The following UBE2J1 variants were observed in gnomAD, a reference collection of about 807,000 sequenced individuals.
UBE2J1 encodes ubiquitin conjugating enzyme E2 J1, also known as ubiquitin-conjugating enzyme E2 J1.
UBE2J1 carries 17 observed loss-of-function variants against 42.1 expected under a neutral mutation model. The ratio of observed to expected loss-of-function variants is 0.40; its 90% CI spans 0.28 to 0.61. The LOEUF (loss-of-function observed/expected upper bound fraction) is 0.61, where lower values mean the gene tolerates loss of function less well. Ranked by LOEUF, UBE2J1 falls within the 20% of genes least tolerant of loss-of-function variation. The pLI is 0.38. For synonymous variants in UBE2J1, 127 were observed against 137.2 expected (o/e 0.93, Z 0.52); for missense variants, 291 against 389.4 (o/e 0.75, Z 2.13).
In UBE2J1 at chr6:89,340,400, C is replaced by T. The variant is rs914411815; in HGVS notation, c.238-1857G>A. ...CCCCATGCACCAGCCCCTCCCTCCC[C>T]GAAGACCACTTAGCTCTCCCCATGA... On this transcript the variant is annotated intron_variant, in intron 3 of 7. Coordinates refer to ENST00000435041, the MANE Select transcript of UBE2J1 (RefSeq NM_016021.3). 9.8e-5 allele frequency among the ~76,000 whole-genome samples: 15 copies of T among 152,286 alleles called. 1 individual carries two copies. The highest frequency in any genetic ancestry group is 3.4e-4 in the African/African-American group (14 of 41,546).
intron 5 of UBE2J1, among the ~76,000 whole-genome samples, chr6:89,337,114 T>G (rs1453571434): frequency 3.3e-5 from 5 of 152,130 alleles, no homozygotes; most frequent in Non-Finnish European, 5.9e-5. Flanking sequence ...GAGCTGGGAT[T>G]ACAAGTGTGA....
intron 5 of UBE2J1, among the ~76,000 whole-genome samples, chr6:89,336,286 G>A (rs1768105067): frequency 6.6e-6 from 1 of 151,406 alleles, no homozygotes; most frequent in South Asian, 2.1e-4. Flanking sequence ...TAGTTTTTCT[G>A]TTTGTTTGTT....
rs768098329 is a variant in UBE2J1, at chr6:89,338,491, T to A, written c.290A>T (p.His97Leu). 3 of 1,604,956 alleles carry A rather than the reference T, an allele frequency of 1.9e-6. No individual in the cohort carries two copies. In the South Asian group the frequency reaches 3.4e-5, roughly 18 times the overall value. The change falls in exon 4 of 8, where the codon CAT becomes CTT. Residue 97 changes from histidine (H) to leucine (L), a missense_variant. His to Leu is a moderately conservative substitution (Grantham distance 99). Transcript: ENST00000435041. ...CGAAGGCTGCCAAGTTTCAGGATGA[T>A]GGCCTGAGATGCTCAAACAGATTTT... ...GKKICLSISG[H>L]HPETWQPSWS...
intron 1 of UBE2J1, among the ~76,000 whole-genome samples, chr6:89,346,034 G>T (rs1379888488): frequency 6.6e-6 from 1 of 152,012 alleles, no homozygotes; most frequent in East Asian, 1.9e-4. Flanking sequence ...GAGACCACAG[G>T]CATGCACCAC....
intron 4 of UBE2J1, 25 bp from the exon 5 acceptor site, chr6:89,338,335 T>A (rs778925016): frequency 6.2e-7 from 1 of 1,601,870 alleles, no homozygotes; most frequent in Non-Finnish European, 8.5e-7. Flanking sequence ...TAAATATCAA[T>A]CTAAATTGCT....
chr6:89,342,804 T>C (rs918047495), intron 2 of UBE2J1, among the ~76,000 whole-genome samples: 1 of 152,172 alleles, frequency 6.6e-6, no homozygotes, highest in East Asian at 1.9e-4. Context: ...AAAATTACTA[T>C]GTTTGGGTTA....
At chr6:89,342,254 T>G (rs1038504867) in intron 3 of UBE2J1, 70 bp downstream of exon 3, 3 of 1,542,734 alleles carry the variant, frequency 1.9e-6, no homozygotes, top group African/African-American at 2.7e-5. Context: ...TGAAAATGAT[T>G]TGCTTACTAT....
chr6:89,332,625 A>C (rs1461751152), intron 7 of UBE2J1, among the ~76,000 whole-genome samples: 6 of 152,230 alleles, frequency 3.9e-5, no homozygotes, highest in Non-Finnish European at 8.8e-5. Flanking sequence ...GATTTTGATT[A>C]AATTTAAATG....
chr6:89,349,956 G>A (rs188635159), intron 1 of UBE2J1, among the ~76,000 whole-genome samples: 55 of 152,088 alleles, frequency 3.6e-4, no homozygotes, highest in Admixed American at 3.4e-3. Context: ...ACCCAAACAC[G>A]GGTCAAGTAG....
chr6:89,336,702 G>A (rs1476786374), intron 5 of UBE2J1, among the ~76,000 whole-genome samples: 1 of 151,832 alleles, frequency 6.6e-6, no homozygotes, highest in Non-Finnish European at 1.5e-5. Context: ...ACACCTTTGA[G>A]AATTGGTTAT....
intron 1 of UBE2J1, among the ~76,000 whole-genome samples, chr6:89,351,192 C>T (rs1768471168): frequency 6.7e-6 from 1 of 149,802 alleles, no homozygotes. Context: ...CATCCTCCTG[C>T]CTCAGCCTCC....
intron 5 of UBE2J1, among the ~76,000 whole-genome samples, chr6:89,336,672 G>C (rs1768113768): frequency 6.6e-6 from 1 of 151,688 alleles, no homozygotes; most frequent in African/African-American, 2.4e-5. Flanking sequence ...TGTTTTACCA[G>C]AAGTGGCACT....
At position 89,329,552 on chromosome 6, in the gene UBE2J1, C is replaced by G. The variant is rs1305296270; in HGVS notation, c.*127G>C. 1.9e-6 allele frequency: 2 copies of G among 1,032,036 alleles called. No individual in the cohort carries two copies. The highest frequency in any genetic ancestry group is 2.8e-6 in the Non-Finnish European group (2 of 707,230). The allele number at this position is 1,032,036 out of a possible 1,614,324, so 63.9% of individuals were successfully genotyped here. ...TCTAGATATATTTATACTAAACTTA[C>G]AAGGATCAAAAAAAGGAATGAAGGG... On this transcript the variant is annotated 3_prime_UTR_variant, in exon 8 of 8. Coordinates refer to ENST00000435041, the MANE Select transcript of UBE2J1 (RefSeq NM_016021.3).
At chr6:89,332,999 A>G in intron 7 of UBE2J1, 87 bp downstream of exon 7, 4 of 1,291,878 alleles carry the variant, frequency 3.1e-6, no homozygotes, top group Non-Finnish European at 4.1e-6. Context: ...CAAATTTTTC[A>G]GATATTTGAT....
At chr6:89,348,362 C>T (rs1326185313) in intron 1 of UBE2J1, among the ~76,000 whole-genome samples, 1 of 152,214 alleles carries the variant, frequency 6.6e-6, no homozygotes, top group Non-Finnish European at 1.5e-5. Context: ...ACTAGCCTCA[C>T]ATTGGGGTTT....
intron 3 of UBE2J1, among the ~76,000 whole-genome samples, chr6:89,340,932 C>T (rs191832425): frequency 0.055 from 8,401 of 151,446 alleles, 336 homozygotes; most frequent in Non-Finnish European, 0.08. Flanking sequence ...CCCGCCACCG[C>T]GCCCGGCTAA....
Position 89,329,822 on chromosome 6 carries a change from T to G in UBE2J1, c.814A>C (p.Ile272Leu), listed in dbSNP as rs778923630. The change falls in exon 8 of 8, where the codon ATC becomes CTC. Residue 272 changes from isoleucine to leucine, a missense_variant. Physicochemically the swap from Ile to Leu is conservative, Grantham distance 5 (BLOSUM62 2). Transcript: ENST00000435041. ...QRRLSTSPDV[I>L]QGHQPRDNHT... is the part of the protein sequence containing the mutation. ...TTGTCTCTTGGCTGGTGGCCCTGGATTACATCTGGTGAAGTAGACAACCTT... is the reference window on the plus strand; with the variant it reads ...TTGTCTCTTGGCTGGTGGCCCTGGAGTACATCTGGTGAAGTAGACAACCTT... The G allele has an allele frequency of 1.2e-6, 2 of 1,614,116 alleles. No homozygotes were observed. The highest frequency in any genetic ancestry group is 1.7e-6 in the Non-Finnish European group (2 of 1,180,008).
intron 5 of UBE2J1, 53 bp downstream of exon 5, chr6:89,338,152 C>T: frequency 7.7e-7 from 1 of 1,300,246 alleles, no homozygotes; most frequent in Non-Finnish European, 1.1e-6. Context: ...CTCCTAATAG[C>T]CATTACCCTG....
intron 7 of UBE2J1, among the ~76,000 whole-genome samples, chr6:89,332,355 ACT>A (rs935882122): frequency 6.6e-6 from 1 of 151,942 alleles, no homozygotes; most frequent in African/African-American, 2.4e-5. Context: ...TTTTTAAATC[ACT>A]CTCTCTGATC....
Sources: gnomAD v4.1 joint callset for allele counts (sites outside exome capture counted in the v4.1 genomes callset) on GRCh38, gnomAD v4.1.1 for gene constraint, MANE v1.5 for transcripts, NCBI Gene and HGNC (gene_info 2026-07-23, HGNC 2026-07-21) for gene names.